Variants in ACTN4 observed in about 807,000 individuals in gnomAD.
The protein encoded by ACTN4 is alpha-actinin-4.
In ACTN4, 18 loss-of-function variants were observed where a neutral mutation model predicts 114.2. That is an observed-to-expected ratio of 0.16 (90% confidence interval 0.11 to 0.23). The LOEUF is 0.23. Ranked by LOEUF, ACTN4 falls within the 10% of genes least tolerant of loss-of-function variation. The pLI is 1.00. For synonymous variants in ACTN4, 515 were observed against 506.3 expected, an observed-to-expected ratio of 1.02 and a Z score of -0.23; for missense variants, 722 against 1,262.9, an observed-to-expected ratio of 0.57 and a Z score of 6.49.
At chr19:38,702,927 C>T (rs888608758) in intron 3 of ACTN4, among the ~76,000 whole-genome samples, 8 of 152,166 alleles carry the variant, frequency 5.3e-5, no homozygotes, top group Non-Finnish European at 1.0e-4. Context: ...GTGTCCTGGG[C>T]CTCCAGCTCT....
At position 38,731,527 on chromosome 19, in the gene ACTN4, C is replaced by G. The variant is rs901248695; in HGVS notation, c.*2095C>G. 5 of 448,456 alleles carry G rather than the reference C, an allele frequency of 1.1e-5. No individual in the cohort carries two copies. The highest frequency in any genetic ancestry group is 9.8e-5 in the African/African-American group (5 of 50,976). 27.8% of individuals were successfully genotyped at this position (448,456 alleles called of 1,614,324 possible). On this transcript the variant is annotated 3_prime_UTR_variant, in exon 21 of 21. Coordinates refer to ENST00000252699, the MANE Select transcript of ACTN4 (RefSeq NM_004924.6). The stretch of plus-strand genomic sequence containing the variant: ...CTCCTTAAATCCTGTGGGGCTTTCT[C>G]CTTGCCAGTGGGCACTGGAGGATAT...
chr19:38,717,971 C>A lies in ACTN4; in HGVS notation c.1188C>A (p.Gly396=), dbSNP rs1427812143. Reference sequence around the variant, plus strand: ...AGCACTTGGAGCAGGCTGAGAAGGGCTACGAGGAGTGGCTGCTGAATGAGA... The same window carrying A: ...AGCACTTGGAGCAGGCTGAGAAGGGATACGAGGAGTGGCTGCTGAATGAGA... The part of the protein sequence containing the change: ...GWQHLEQAEK[G]YEEWLLNEIR... Residue 396 remains glycine (G), a synonymous_variant, in exon 11 of 21, where the codon GGC becomes GGA. Coordinates refer to ENST00000252699, the MANE Select transcript of ACTN4 (RefSeq NM_004924.6). The surrounding 1 kb of genome is among the most constrained non-coding windows in gnomAD (Gnocchi z 4.0). 1 of 1,608,478 alleles carries A rather than the reference C, an allele frequency of 6.2e-7. No homozygotes were observed. The highest frequency in any genetic ancestry group is 1.1e-5 in the South Asian group (1 of 89,936).
At chr19:38,712,589 T>C (rs1285570431) in intron 8 of ACTN4, among the ~76,000 whole-genome samples, 2 of 151,872 alleles carry the variant, frequency 1.3e-5, no homozygotes. Flanking sequence ...CAGCATGCGA[T>C]TGGAGCTTGT....
At position 38,730,655 on chromosome 19, in the gene ACTN4, A is replaced by G. The variant is rs1060186; in HGVS notation, c.*1223A>G. 471,642 of 642,284 alleles carry G rather than the reference A, an allele frequency of 0.73. 175,119 individuals are homozygous for G. Among genetic ancestry groups the G allele is most frequent in the South Asian group, 0.85 (46,046 of 53,982 alleles). 39.8% of individuals were successfully genotyped at this position (642,284 alleles called of 1,614,324 possible). A position where few individuals can be genotyped will look rare whatever the true frequency, so the allele number is the denominator to read the frequency against. Reference sequence around the variant, plus strand: ...ACTAGCTCGTGTCATCTGCTCGAGAAGGGCTGTCGCTGTTCTTGTTTCTGA... The same window carrying G: ...ACTAGCTCGTGTCATCTGCTCGAGAGGGGCTGTCGCTGTTCTTGTTTCTGA... On this transcript the variant is annotated 3_prime_UTR_variant, in exon 21 of 21. Coordinates refer to ENST00000252699, the MANE Select transcript of ACTN4 (RefSeq NM_004924.6).
chr19:38,652,477 C>G (rs1976593917), intron 1 of ACTN4, among the ~76,000 whole-genome samples: 1 of 152,098 alleles, frequency 6.6e-6, no homozygotes, highest in South Asian at 2.1e-4. Context: ...TGGAGTGGCA[C>G]CTGCCACTCA....
At chr19:38,698,440 C>T (rs573657174) in intron 1 of ACTN4, among the ~76,000 whole-genome samples, 10 of 152,252 alleles carry the variant, frequency 6.6e-5, no homozygotes, top group African/African-American at 2.2e-4. Flanking sequence ...TGCCTTGGCT[C>T]CCCTCCCCTC....
intron 1 of ACTN4, among the ~76,000 whole-genome samples, chr19:38,698,241 T>G (rs935047030): frequency 1.3e-5 from 2 of 151,804 alleles, no homozygotes; most frequent in African/African-American, 2.4e-5. Context: ...CCATCTTGAG[T>G]CCTCACACTG....
intron 19 of ACTN4, chr19:38,728,339 C>T (rs768965967): frequency 7.2e-5 from 106 of 1,472,144 alleles, no homozygotes; most frequent in Non-Finnish European, 8.5e-5. Context: ...GCATGGACTC[C>T]GATGACTTCA....
In ACTN4 at chr19:38,673,527, T is replaced by G. The variant is rs8182571; in HGVS notation, c.162+25620T>G. On this transcript the variant is annotated intron_variant, in intron 1 of 20. Coordinates refer to ENST00000252699, the MANE Select transcript of ACTN4 (RefSeq NM_004924.6). ...TATATGAATATATATTTATATATAT[T>G]CATATATACTTATATATATTTATAT... 1.9e-3 allele frequency among the ~76,000 whole-genome samples: 195 copies of G among 100,732 alleles called. 2 individuals are homozygous for G. The highest frequency in any genetic ancestry group is 4.6e-3 in the Middle Eastern group (1 of 218). 66.1% of individuals were successfully genotyped at this position (100,732 alleles called of 152,430 possible). A position where few individuals can be genotyped will look rare whatever the true frequency, so the allele number is the denominator to read the frequency against.
At chr19:38,729,243 A>G in intron 20 of ACTN4, 31 bp from the exon 21 acceptor site, 1 of 1,612,134 alleles carries the variant, frequency 6.2e-7, no homozygotes, top group Non-Finnish European at 8.5e-7. Flanking sequence ...GTGGGTGGGG[A>G]TGGCTCAGAG....
intron 1 of ACTN4, among the ~76,000 whole-genome samples, chr19:38,685,635 G>T (rs1967719096): frequency 6.6e-6 from 1 of 152,188 alleles, no homozygotes; most frequent in South Asian, 2.1e-4. Context: ...GGTTCAGAGA[G>T]TAGGAAGCCC....
At chr19:38,719,074 G>A (rs928819340) in intron 11 of ACTN4, among the ~76,000 whole-genome samples, 1 of 152,166 alleles carries the variant, frequency 6.6e-6, no homozygotes, top group Non-Finnish European at 1.5e-5. Flanking sequence ...TTCTGTTCTC[G>A]GCAGCCCTGC....
chr19:38,718,575 C>T (rs538916411), intron 11 of ACTN4, among the ~76,000 whole-genome samples: 38 of 152,236 alleles, frequency 2.5e-4, no homozygotes, highest in African/African-American at 8.4e-4. Flanking sequence ...ATTCCTTCAG[C>T]CCCAGAAAGC....
In ACTN4 at chr19:38,730,801, G is replaced by A. The variant is rs970092920; in HGVS notation, c.*1369G>A. On this transcript the variant is annotated 3_prime_UTR_variant, in exon 21 of 21. Transcript: ENST00000252699. ...ATGCCAGGCAAGGCCTAGGGAGGTG[G>A]TCTTGCTCAGCAACCCTGCCCTGAG... 2.6e-6 allele frequency: 4 copies of A among 1,548,564 alleles called. No homozygotes were observed. The highest frequency in any genetic ancestry group is 2.6e-6 in the Non-Finnish European group (3 of 1,145,886).
Position 38,714,271 on chromosome 19 carries a change from G to A in ACTN4, c.820-198G>A, listed in dbSNP as rs140763478. ...CCAGGGTCTGGGCTTTCTGGACCCAGGGGCATTTTGCAGTCAGCAGTGAGG... is the reference window on the plus strand; with the variant it reads ...CCAGGGTCTGGGCTTTCTGGACCCAAGGGCATTTTGCAGTCAGCAGTGAGG... On this transcript the variant is annotated intron_variant, in intron 8 of 20. Coordinates refer to ENST00000252699, the MANE Select transcript of ACTN4 (RefSeq NM_004924.6). Among the ~76,000 whole-genome samples, 1,033 of 152,340 alleles carry A rather than the reference G, an allele frequency of 6.8e-3. 9 individuals are homozygous for A. The highest frequency in any genetic ancestry group is 0.02 in the African/African-American group (850 of 41,574).
chr19:38,690,788 A>G (rs1967898366), intron 1 of ACTN4, among the ~76,000 whole-genome samples: 1 of 152,146 alleles, frequency 6.6e-6, no homozygotes, highest in African/African-American at 2.4e-5. Context: ...AATATACTAA[A>G]ACTCCCTGAA....
At chr19:38,726,882 A>T (rs372576851) in intron 17 of ACTN4, 75 bp from the exon 18 acceptor site, 75 of 1,597,792 alleles carry the variant, frequency 4.7e-5, no homozygotes, top group Non-Finnish European at 6.3e-5. Flanking sequence ...GACAGTTCAC[A>T]GTCCTCCACG....
intron 1 of ACTN4, among the ~76,000 whole-genome samples, chr19:38,691,396 C>T (rs1334098077): frequency 4.3e-5 from 6 of 139,666 alleles, no homozygotes; most frequent in African/African-American, 1.1e-4. Context: ...AGTGAAACTC[C>T]GTCTCAAAAA....
chr19:38,695,595 G>A (rs932269792), intron 1 of ACTN4, among the ~76,000 whole-genome samples: 3 of 152,024 alleles, frequency 2.0e-5, no homozygotes, highest in African/African-American at 7.2e-5. Context: ...TCCCTGCATG[G>A]CAGGGACAGC....
Sources: gnomAD v4.1 joint callset for allele counts (sites outside exome capture counted in the v4.1 genomes callset) on GRCh38, gnomAD v4.1.1 for gene constraint, Gnocchi (gnomAD v3.1) non-coding constraint, MANE v1.5 for transcripts, NCBI Gene and HGNC (gene_info 2026-07-23, HGNC 2026-07-21) for gene names.